Variants in CYLD observed in about 807,000 individuals in gnomAD.
CYLD encodes the protein CYLD lysine 63 deubiquitinase.
CYLD carries 26 observed loss-of-function variants against 104.5 expected under a neutral mutation model. The ratio of observed to expected loss-of-function variants is 0.25; its 90% CI spans 0.18 to 0.35. The LOEUF is 0.35. CYLD is among the 10% of genes least tolerant of loss of function. CYLD has a pLI of 1.00. For synonymous variants in CYLD, 385 were observed against 399.9 expected, an observed-to-expected ratio of 0.96 and a Z score of 0.45; for missense variants, 703 against 1,136.1, an observed-to-expected ratio of 0.62 and a Z score of 5.48.
In CYLD at chr16:50,779,684, A is replaced by T; in HGVS notation, c.1158A>T (p.Lys386Asn). Reference sequence around the variant, plus strand: ...TTTTAGTTGCAGAAGACCCTGCAAAATCTCTTACAGAGATATCTACAGACT... The same window carrying T: ...TTTTAGTTGCAGAAGACCCTGCAAATTCTCTTACAGAGATATCTACAGACT... The part of the protein sequence containing the change: ...YIDEVAEDPA[K>N]SLTEISTDFD... Residue 386 changes from lysine (K) to asparagine (N), a missense_variant, in exon 9 of 19, where the codon AAA becomes AAT. By Grantham distance (94) the Lys-to-Asn change is moderately conservative. Around this residue, in one of 5 missense-constraint regions of CYLD, gnomAD observed 183 missense variants for 212.1 expected, o/e 0.86. Transcript: ENST00000427738. 1 of 1,613,982 alleles carries T rather than the reference A, an allele frequency of 6.2e-7. No homozygotes were observed. The highest frequency in any genetic ancestry group is 8.5e-7 in the Non-Finnish European group (1 of 1,179,944).
At chr16:50,743,502 C>G (rs1376629942) in intron 2 of CYLD, among the ~76,000 whole-genome samples, 3 of 152,164 alleles carry the variant, frequency 2.0e-5, no homozygotes, top group African/African-American at 7.2e-5. Flanking sequence ...TTGTGAGAAG[C>G]AGATAAGGCT....
intron 2 of CYLD, among the ~76,000 whole-genome samples, chr16:50,743,442 C>T (rs1456321065): frequency 6.6e-6 from 1 of 152,182 alleles, no homozygotes; most frequent in Non-Finnish European, 1.5e-5. Flanking sequence ...TATTCTGCTG[C>T]AAAATTGTAT....
chr16:50,751,689 T>C lies in CYLD; in HGVS notation c.590T>C (p.Val197Ala). ...FQCDEDCGVF[V>A]ALDKLELIED... ...TGTGATGAAGATTGTGGCGTGTTTG[T>C]TGCATTGGACAAGCTAGAACTCATA... The change falls in exon 4 of 19, where the codon GTT (valine) becomes GCT (alanine). Residue 197 changes from valine to alanine, a missense_variant. By Grantham distance (64) the Val-to-Ala change is moderately conservative. Transcript: ENST00000427738. 6.2e-7 allele frequency: 1 copy of C among 1,613,760 alleles called. No homozygotes were observed. The highest frequency in any genetic ancestry group is 8.5e-7 in the Non-Finnish European group (1 of 1,179,792).
intron 5 of CYLD, among the ~76,000 whole-genome samples, chr16:50,762,163 C>A (rs561493639): frequency 6.6e-6 from 1 of 152,230 alleles, no homozygotes; most frequent in East Asian, 1.9e-4. Flanking sequence ...TCATCCACCC[C>A]CCGCCACCCC....
At chr16:50,761,583 A>G (rs1967929444) in intron 5 of CYLD, among the ~76,000 whole-genome samples, 1 of 152,090 alleles carries the variant, frequency 6.6e-6, no homozygotes, top group African/African-American at 2.4e-5. Context: ...ACTTGGTGTG[A>G]TGTTTTTGAC....
chr16:50,787,346 G>C (rs1970950579), intron 13 of CYLD: 1 of 283,976 alleles, frequency 3.5e-6, no homozygotes. Context: ...TTATAGTCAG[G>C]GAACAGTGTT....
Position 50,782,306 on chromosome 16 carries a change from T to C in CYLD, c.1685-19T>C. 1 of 1,542,744 alleles carries C rather than the reference T, an allele frequency of 6.5e-7. No homozygotes were observed. The highest frequency in any genetic ancestry group is 1.4e-5 in the African/African-American group (1 of 72,356). On this transcript the variant is annotated intron_variant, in intron 10 of 18. Transcript: ENST00000427738. ...AAAAGAATTCTTTTCATTTACTTTT[T>C]TTAAAAAAATCTTTTCAGCATTTGG...
intron 5 of CYLD, among the ~76,000 whole-genome samples, chr16:50,773,881 G>A (rs977866169): frequency 6.6e-6 from 1 of 152,134 alleles, no homozygotes; most frequent in Admixed American, 6.5e-5. Flanking sequence ...CTTCAGAGCT[G>A]ATATTTGACC....
rs541603025 is a variant in CYLD at position 50,757,912 on chromosome 16, G to A, written c.913+3488G>A. On this transcript the variant is annotated intron_variant, in intron 5 of 18. Transcript: ENST00000427738. ...AGTACTTTTAAATATTATAATAAAT[G>A]CTTATGGTTTACAAAACAGTTTAAT... Among the ~76,000 whole-genome samples, 19 of 152,258 alleles carry A rather than the reference G, an allele frequency of 1.2e-4. 1 individual carries two copies. In the South Asian group the frequency reaches 3.7e-3, roughly 30 times the overall value.
At chr16:50,755,010 TATATGTATATATA>T (rs1966886795) in intron 5 of CYLD, among the ~76,000 whole-genome samples, 1 of 11,870 alleles carries the variant, frequency 8.4e-5, no homozygotes, top group African/African-American at 4.5e-4. Flanking sequence ...TATATACATA[TATATGTATATATA>T]CATATATATG....
rs886319346 is a variant in CYLD at position 50,784,212 on chromosome 16, TTGTTA to T, written c.1827-110_1827-106del. 21 of 1,158,068 alleles carry T rather than the reference TTGTTA, an allele frequency of 1.8e-5. No homozygotes were observed. The African/African-American group carries it at 2.9e-4, about 16-fold the overall frequency. The allele number at this position is 1,158,068 out of a possible 1,614,324, so 71.7% of individuals were successfully genotyped here. ...TACCTGTGTTAATGAAAAACACAAA[TTGTTA>T]TGTTATTTGTTCTCCAGACTTTACT... is the stretch of plus-strand genomic sequence containing the variant. On this transcript the variant is annotated intron_variant, in intron 11 of 18. Coordinates refer to ENST00000427738, the MANE Select transcript of CYLD (RefSeq NM_001378743.1).
At chr16:50,749,348 G>A (rs1425113645) in intron 2 of CYLD, among the ~76,000 whole-genome samples, 1 of 152,174 alleles carries the variant, frequency 6.6e-6, no homozygotes, top group Admixed American at 6.5e-5. Flanking sequence ...TTTACAATTG[G>A]ATTTCATTAA....
At chr16:50,750,317 C>A in intron 3 of CYLD, 115 bp downstream of exon 3, 2 of 1,234,566 alleles carry the variant, frequency 1.6e-6, no homozygotes, top group Non-Finnish European at 2.4e-6. Flanking sequence ...TCCCAAGAGT[C>A]TTCTGTAATT....
At chr16:50,778,625 G>T (rs757897236) in intron 8 of CYLD, among the ~76,000 whole-genome samples, 4 of 152,116 alleles carry the variant, frequency 2.6e-5, no homozygotes, top group Non-Finnish European at 4.4e-5. Flanking sequence ...GAACTTCCTC[G>T]GGAGAAGAAA....
At chr16:50,754,761 C>G (rs1966850189) in intron 5 of CYLD, among the ~76,000 whole-genome samples, 1 of 151,730 alleles carries the variant, frequency 6.6e-6, no homozygotes, top group Non-Finnish European at 1.5e-5. Flanking sequence ...TTATACTTCT[C>G]TTAGAATAAT....
Position 50,799,688 on chromosome 16 carries a change from T to C in CYLD, c.*3180T>C, listed in dbSNP as rs941698822. ...GAAGATTAAGATTCCATTAATCTTA[T>C]AGAACTGTGTTGTCACCCAAATTCC... On this transcript the variant is annotated 3_prime_UTR_variant, in exon 19 of 19. Coordinates refer to ENST00000427738, the MANE Select transcript of CYLD (RefSeq NM_001378743.1). 3.0e-5 allele frequency: 7 copies of C among 233,512 alleles called. No individual in the cohort carries two copies. The highest frequency in any genetic ancestry group is 5.9e-5 in the Non-Finnish European group (7 of 117,976). The allele number at this position is 233,512 out of a possible 1,614,324, so 14.5% of individuals were successfully genotyped here.
chr16:50,784,346 C>G lies in CYLD; in HGVS notation c.1844C>G (p.Ser615Cys). 1 of 1,613,392 alleles carries G rather than the reference C, an allele frequency of 6.2e-7. No homozygotes were observed. Among genetic ancestry groups the G allele is most frequent in the South Asian group, 1.1e-5 (1 of 91,062 alleles). Residue 615 changes from serine to cysteine, a missense_variant, in exon 12 of 19, where the codon TCT becomes TGT. Transcript: ENST00000427738. The part of the protein sequence containing the change: ...STLFCLFAFS[S>C]VLDTVLLRPK... ...TTTTGCAGCTTATTTGCTTTTAGTT[C>G]TGTTCTGGACACTGTGTTACTTAGA...
chr16:50,753,439 C>T (rs952310913), intron 4 of CYLD, among the ~76,000 whole-genome samples: 4 of 152,120 alleles, frequency 2.6e-5, no homozygotes, highest in African/African-American at 4.8e-5. Context: ...TTTCAGATGG[C>T]GGTCTGGGGT....
Position 50,749,576 on chromosome 16 carries a change from C to A in CYLD, c.-123C>A. 1.1e-6 allele frequency: 1 copy of A among 951,104 alleles called. No homozygotes were observed. Among genetic ancestry groups the A allele is most frequent in the Non-Finnish European group, 1.6e-6 (1 of 632,264 alleles). 58.9% of individuals were successfully genotyped at this position (951,104 alleles called of 1,614,324 possible). ...ATTTTGATTTCCTTTCTTTTTACAG[C>A]ATGGACACCACGTTGCTGAAAACAT... is the stretch of plus-strand genomic sequence containing the variant. On this transcript the variant is annotated splice_region_variant and 5_prime_UTR_variant, in exon 3 of 19. Coordinates refer to ENST00000427738, the MANE Select transcript of CYLD (RefSeq NM_001378743.1).
Sources: gnomAD v4.1 joint callset for allele counts (sites outside exome capture counted in the v4.1 genomes callset) on GRCh38, gnomAD v4.1.1 for gene constraint, gnomAD v4.1.1 regional missense constraint, MANE v1.5 for transcripts, NCBI Gene and HGNC (gene_info 2026-07-23, HGNC 2026-07-21) for gene names.